The following ZC3H12B variants were observed in gnomAD, a reference collection of about 807,000 sequenced individuals.
The protein encoded by ZC3H12B is zinc finger CCCH-type containing 12B, also known as probable ribonuclease ZC3H12B.
In ZC3H12B, 7 loss-of-function variants were observed where a neutral mutation model predicts 43.9. The observed-to-expected ratio is 0.16, with a 90% confidence interval of 0.09 to 0.30. The LOEUF is 0.30. ZC3H12B is among the 10% of genes least tolerant of loss of function. ZC3H12B has a pLI of 1.00. For missense variants in ZC3H12B, 475 were observed against 670.2 expected (o/e 0.71, Z 3.22); for synonymous variants, 222 against 241.7 (o/e 0.92, Z 0.76).
At chrX:65,227,857 C>T in the ZC3H12B span, among the ~76,000 whole-genome samples, 1 of 111,422 alleles carries the variant, frequency 9.0e-6, no homozygotes, top group Non-Finnish European at 1.9e-5. Flanking sequence ...TCTGAATACA[C>T]CAATAAGAGG....
At chrX:65,470,524 C>T (rs2067896411) in intron 3 of ZC3H12B, 1 of 110,864 alleles carries the variant, frequency 9.0e-6, no homozygotes, top group Non-Finnish European at 1.9e-5. Flanking sequence ...AGCACCCGCC[C>T]CCTCCTCAAC....
At chrX:65,262,480 C>T in the ZC3H12B span, among the ~76,000 whole-genome samples, 6 of 111,235 alleles carry the variant, frequency 5.4e-5, no homozygotes, top group Non-Finnish European at 1.1e-4. Context: ...TCATTTTTGT[C>T]AATTTGGGTG....
intron 3 of ZC3H12B, among the ~76,000 whole-genome samples, chrX:65,477,304 G>A (rs764338010): frequency 9.1e-6 from 1 of 109,871 alleles, no homozygotes; most frequent in East Asian, 2.9e-4. Flanking sequence ...ACCATCATTT[G>A]GTGTGGTACT....
the ZC3H12B span, among the ~76,000 whole-genome samples, chrX:65,280,873 G>T: frequency 1.8e-5 from 2 of 111,865 alleles, no homozygotes; most frequent in African/African-American, 3.2e-5. Context: ...TTGGAAAAAA[G>T]AAATCAAAGA....
the ZC3H12B span, among the ~76,000 whole-genome samples, chrX:65,239,443 T>C: frequency 1.8e-5 from 2 of 110,758 alleles, no homozygotes; most frequent in African/African-American, 6.6e-5. Flanking sequence ...CTCCATCCCT[T>C]TATTTTGAGT....
the ZC3H12B span, among the ~76,000 whole-genome samples, chrX:65,068,105 C>CTTTTTTTTT: frequency 1.6e-3 from 96 of 60,423 alleles, no homozygotes; most frequent in African/African-American, 2.4e-3. Context: ...CTTGATGTTA[C>CTTTTTTTTT]TTTTTTTTTT....
chrX:65,392,090 G>A (rs1288630717), intron 2 of ZC3H12B, among the ~76,000 whole-genome samples: 1 of 111,439 alleles, frequency 9.0e-6, no homozygotes, highest in African/African-American at 3.3e-5. Flanking sequence ...AGACTGGAGT[G>A]CAGTGGCATG....
chrX:65,107,282 G>C, the ZC3H12B span, among the ~76,000 whole-genome samples: 2 of 110,964 alleles, frequency 1.8e-5, 1 homozygote, highest in South Asian at 7.7e-4. Context: ...CAAAAGCTTT[G>C]TGGGGCAGAG....
chrX:65,452,617 G>C (rs372973996), intron 3 of ZC3H12B, among the ~76,000 whole-genome samples: 59 of 111,646 alleles, frequency 5.3e-4, no homozygotes, highest in Non-Finnish European at 1.0e-3. Flanking sequence ...GAGGTGGGTG[G>C]ATCAACTGAG....
the ZC3H12B span, among the ~76,000 whole-genome samples, chrX:65,136,217 ATTACTTCTAGGTGGAG>A: frequency 2.7e-5 from 3 of 111,050 alleles, no homozygotes; most frequent in African/African-American, 9.8e-5. Context: ...GAACTACCTC[ATTACTTCTAGGTGGAG>A]GTAATAGTCC....
chrX:65,458,084 T>TAAAAAAAAAAAAAAAAAAAAAAAA (rs2067659998), intron 3 of ZC3H12B, among the ~76,000 whole-genome samples: 1 of 48,991 alleles, frequency 2.0e-5, no homozygotes, highest in Non-Finnish European at 3.6e-5. Context: ...AAAAAAAAAA[T>TAAAAAAAAAAAAAAAAAAAAAAAA]TAAAAAAAAA....
At chrX:65,245,042 G>T in the ZC3H12B span, among the ~76,000 whole-genome samples, 1 of 111,100 alleles carries the variant, frequency 9.0e-6, no homozygotes, top group East Asian at 2.8e-4. Context: ...ATCACAATCG[G>T]AAATGACAAG....
At chrX:65,368,444 T>A (rs12013135) in intron 1 of ZC3H12B, among the ~76,000 whole-genome samples, 13,896 of 111,644 alleles carry the variant, frequency 0.12, 2,057 homozygotes, top group African/African-American at 0.42. Context: ...AAAATTTAGA[T>A]AATAGTTATT....
the ZC3H12B span, among the ~76,000 whole-genome samples, chrX:65,198,506 G>A: frequency 8.9e-6 from 1 of 111,803 alleles, no homozygotes; most frequent in African/African-American, 3.3e-5. Context: ...TATTTTTGGT[G>A]CATATACTAT....
the ZC3H12B span, among the ~76,000 whole-genome samples, chrX:65,179,088 T>C: frequency 1.8e-5 from 2 of 111,593 alleles, no homozygotes; most frequent in Non-Finnish European, 3.8e-5. Flanking sequence ...ATAAAAATGA[T>C]GAGTTCCTGC....
chrX:65,255,153 T>A, the ZC3H12B span, among the ~76,000 whole-genome samples: 1 of 112,028 alleles, frequency 8.9e-6, no homozygotes, highest in Non-Finnish European at 1.9e-5. Context: ...GGATATCATC[T>A]AATAAAATTT....
chrX:65,436,133 G>A (rs1274745364), intron 3 of ZC3H12B, among the ~76,000 whole-genome samples: 1 of 112,264 alleles, frequency 8.9e-6, no homozygotes, highest in Non-Finnish European at 1.9e-5. Context: ...CGTGGCTGTA[G>A]CAGGAGGAAG....
the ZC3H12B span, among the ~76,000 whole-genome samples, chrX:65,164,469 A>G: frequency 9.0e-6 from 1 of 110,881 alleles, no homozygotes. Context: ...TGGCTACATG[A>G]CTCCTGAAGC....
At chrX:65,230,284 A>C in the ZC3H12B span, among the ~76,000 whole-genome samples, 1 of 110,386 alleles carries the variant, frequency 9.1e-6, no homozygotes, top group Non-Finnish European at 1.9e-5. Context: ...CTATTGCAAG[A>C]ACGAGAAACC....
Sources: gnomAD v4.1 joint callset for allele counts (sites outside exome capture counted in the v4.1 genomes callset) on GRCh38, gnomAD v4.1.1 for gene constraint, MANE v1.5 for transcripts, NCBI Gene and HGNC (gene_info 2026-07-23, HGNC 2026-07-21) for gene names.